Variants in RGS7 observed in about 807,000 individuals in gnomAD.
RGS7 encodes the protein regulator of G protein signaling 7, also known as regulator of G-protein signaling 7.
A neutral mutation model predicts 81.1 loss-of-function variants in RGS7; 27 were observed. The ratio of observed to expected loss-of-function variants is 0.33; its 90% CI spans 0.25 to 0.46. The LOEUF is 0.46. Ranked by LOEUF, RGS7 falls within the 20% of genes least tolerant of loss-of-function variation. The pLI is 1.00. For synonymous variants in RGS7, 208 were observed against 207.7 expected (o/e 1.00, Z -0.01); for missense variants, 396 against 607.4 (o/e 0.65, Z 3.66).
In RGS7 at chr1:241,163,841, C is replaced by A. The variant is rs2069947825; in HGVS notation, c.79-65079G>T. ...TCACAACCCACACCTCACCAACAAGCAAGCCATCAATTTTGCAGCAGACTG... is the reference window on the plus strand; with the variant it reads ...TCACAACCCACACCTCACCAACAAGAAAGCCATCAATTTTGCAGCAGACTG... On this transcript the variant is annotated intron_variant, in intron 2 of 18. Coordinates refer to ENST00000440928, the MANE Select transcript of RGS7 (RefSeq NM_001364886.1). This position sits in a 1 kb window ranked among gnomAD's most constrained non-coding sequence, Gnocchi z 4.6. Among the ~76,000 whole-genome samples the A allele has an allele frequency of 6.6e-6, 1 of 152,202 alleles. No homozygotes were observed. Among genetic ancestry groups the A allele is most frequent in the Admixed American group, 6.5e-5 (1 of 15,276 alleles).
intron 4 of RGS7, among the ~76,000 whole-genome samples, chr1:240,944,272 G>GTA (rs1678121840): frequency 4.3e-4 from 16 of 37,192 alleles, no homozygotes; most frequent in Non-Finnish European, 7.7e-4. Context: ...GTGTGTGTGT[G>GTA]TGTGTGTGTG....
chr1:241,097,131 A>G (rs1224259014), intron 3 of RGS7, among the ~76,000 whole-genome samples: 1 of 151,996 alleles, frequency 6.6e-6, no homozygotes, highest in Non-Finnish European at 1.5e-5. Flanking sequence ...TTGAGAGCAC[A>G]GAGGCAAAAG....
At chr1:240,805,466 T>G (rs527947175) in intron 15 of RGS7, among the ~76,000 whole-genome samples, 1 of 152,302 alleles carries the variant, frequency 6.6e-6, no homozygotes, top group South Asian at 2.1e-4. Context: ...TTTCAACATT[T>G]TTTGAGAGAA....
intron 3 of RGS7, among the ~76,000 whole-genome samples, chr1:241,074,545 G>A (rs561801990): frequency 6.6e-6 from 1 of 152,326 alleles, no homozygotes; most frequent in African/African-American, 2.4e-5. Context: ...TCCCTCTTCT[G>A]TACTGGCTTC....
intron 6 of RGS7, among the ~76,000 whole-genome samples, chr1:240,883,855 C>A (rs939061052): frequency 6.6e-6 from 1 of 152,094 alleles, no homozygotes; most frequent in Non-Finnish European, 1.5e-5. Flanking sequence ...GCGGGTGGAT[C>A]ACCTGAGGTC....
At chr1:241,230,147 C>G (rs946454934) in intron 2 of RGS7, among the ~76,000 whole-genome samples, 3 of 152,070 alleles carry the variant, frequency 2.0e-5, no homozygotes, top group Admixed American at 2.0e-4. Context: ...CTTGGAAATT[C>G]CTACTTAATA....
chr1:241,119,704 C>A (rs138960124), intron 2 of RGS7, among the ~76,000 whole-genome samples: 1 of 152,192 alleles, frequency 6.6e-6, no homozygotes, highest in Non-Finnish European at 1.5e-5. Flanking sequence ...AAGCCTTTTA[C>A]TATTGGAAAG....
rs568550889 is a variant in RGS7 at position 240,932,923 on chromosome 1, G to T, written c.334-2155C>A. ...TTTTGAGACAGAGTCTCGCTCTGTC[G>T]CCCAGGCTGGACTGCAGTGGCGCGA... is the stretch of plus-strand genomic sequence containing the variant. On this transcript the variant is annotated intron_variant, in intron 5 of 18. Transcript: ENST00000440928. Among the ~76,000 whole-genome samples, 39 of 107,936 alleles carry T rather than the reference G, an allele frequency of 3.6e-4. 1 individual carries two copies. Among genetic ancestry groups the T allele is most frequent in the South Asian group, 1.6e-3 (5 of 3,172 alleles). The allele number at this position is 107,936 out of a possible 152,430, so 70.8% of individuals were successfully genotyped here. A position where few individuals can be genotyped will look rare whatever the true frequency, so the allele number is the denominator to read the frequency against.
chr1:241,288,079 C>G (rs2078913935), intron 2 of RGS7, among the ~76,000 whole-genome samples: 1 of 152,144 alleles, frequency 6.6e-6, no homozygotes, highest in Non-Finnish European at 1.5e-5. Flanking sequence ...TGTAGCAAAT[C>G]AATTAACATT....
intron 6 of RGS7, among the ~76,000 whole-genome samples, chr1:240,887,693 G>T (rs1168694731): frequency 6.6e-6 from 1 of 152,032 alleles, no homozygotes; most frequent in Non-Finnish European, 1.5e-5. Flanking sequence ...TGAATATACT[G>T]CCAATGATTT....
intron 13 of RGS7, among the ~76,000 whole-genome samples, chr1:240,812,892 G>A (rs924274960): frequency 5.9e-5 from 9 of 152,182 alleles, no homozygotes. Flanking sequence ...TGGGGTTCCA[G>A]CTTTCTCATC....
chr1:240,860,308 G>A (rs1661972207), intron 9 of RGS7, among the ~76,000 whole-genome samples: 1 of 152,270 alleles, frequency 6.6e-6, no homozygotes, highest in South Asian at 2.1e-4. Flanking sequence ...GGGTATTACA[G>A]TCTCAAAATA....
chr1:241,310,477 GTGTC>G (rs1573617742), intron 2 of RGS7, among the ~76,000 whole-genome samples: 1 of 104,600 alleles, frequency 9.6e-6, no homozygotes, highest in East Asian at 4.9e-4. Flanking sequence ...GTGTGTCTGT[GTGTC>G]TGTGTGTGAG....
At position 240,934,876 on chromosome 1, in the gene RGS7, C is replaced by CTT. The variant is rs555195177; in HGVS notation, c.333+1722_333+1723dup. Among the ~76,000 whole-genome samples the CTT allele has an allele frequency of 1.4e-3, 96 of 67,134 alleles. 21 individuals carry two copies. Among genetic ancestry groups the CTT allele is most frequent in the East Asian group, 7.7e-3 (19 of 2,468 alleles). The allele number at this position is 67,134 out of a possible 152,430, so 44.0% of individuals were successfully genotyped here. A position where few individuals can be genotyped will look rare whatever the true frequency, so the allele number is the denominator to read the frequency against. Reference sequence around the variant, plus strand: ...TATGGTGATCCCTTCCTTCACATGGCTTTTTTTTTTTTTTTTTTTTTTTTT... The same window carrying CTT: ...TATGGTGATCCCTTCCTTCACATGGCTTTTTTTTTTTTTTTTTTTTTTTTTTT... On this transcript the variant is annotated intron_variant, in intron 5 of 18. Transcript: ENST00000440928.
At chr1:240,830,625 A>G (rs1222377327) in intron 9 of RGS7, among the ~76,000 whole-genome samples, 1 of 152,248 alleles carries the variant, frequency 6.6e-6, no homozygotes, top group African/African-American at 2.4e-5. Flanking sequence ...TGCAGAGCAC[A>G]TGCGTTGAAA....
chr1:240,980,951 C>A (rs1210445525), intron 4 of RGS7, among the ~76,000 whole-genome samples: 2 of 152,176 alleles, frequency 1.3e-5, no homozygotes, highest in Non-Finnish European at 2.9e-5. Flanking sequence ...AAGTGTTCAG[C>A]AAGCAAATAA....
intron 2 of RGS7, among the ~76,000 whole-genome samples, chr1:241,277,425 C>T (rs1018187917): frequency 4.6e-5 from 7 of 152,136 alleles, no homozygotes; most frequent in African/African-American, 1.7e-4. Context: ...CGAGACCATC[C>T]TGGCTAACAT....
intron 6 of RGS7, among the ~76,000 whole-genome samples, chr1:240,875,821 A>T (rs1042221482): frequency 3.3e-5 from 5 of 152,156 alleles, no homozygotes; most frequent in Non-Finnish European, 7.4e-5. Flanking sequence ...CCTGTTGGCC[A>T]TTTGTAGGTC....
chr1:241,321,787 G>A (rs1409040518), intron 2 of RGS7, among the ~76,000 whole-genome samples: 2 of 151,834 alleles, frequency 1.3e-5, no homozygotes, highest in Non-Finnish European at 2.9e-5. Flanking sequence ...TAAAAACATA[G>A]CTCAATCAGC....
Sources: gnomAD v4.1 joint callset for allele counts (sites outside exome capture counted in the v4.1 genomes callset) on GRCh38, gnomAD v4.1.1 for gene constraint, Gnocchi (gnomAD v3.1) non-coding constraint, MANE v1.5 for transcripts, NCBI Gene and HGNC (gene_info 2026-07-23, HGNC 2026-07-21) for gene names.